The following ADAMTS17 variants were observed in gnomAD, a reference collection of about 807,000 sequenced individuals.
The protein encoded by ADAMTS17 is A disintegrin and metalloproteinase with thrombospondin motifs 17.
ADAMTS17 carries 113 observed loss-of-function variants against 141.5 expected under a neutral mutation model. The ratio of observed to expected loss-of-function variants is 0.80; its 90% CI spans 0.69 to 0.93. The LOEUF (loss-of-function observed/expected upper bound fraction) is 0.93, where lower values mean the gene tolerates loss of function less well. ADAMTS17 is among the 40% of genes least tolerant of loss of function. The probability of loss-of-function intolerance (pLI) is 0.00; values close to 1 mark genes in which losing one functional copy is unlikely to be tolerated. For missense variants in ADAMTS17, 1,659 were observed against 1,517.9 expected, an observed-to-expected ratio of 1.09 and a Z score of -1.54; for synonymous variants, 768 against 630.6, an observed-to-expected ratio of 1.22 and a Z score of -3.27.
intron 8 of ADAMTS17, among the ~76,000 whole-genome samples, chr15:100,169,273 A>C (rs1462318897): frequency 6.6e-6 from 1 of 152,182 alleles, no homozygotes; most frequent in Non-Finnish European, 1.5e-5. Context: ...GTGTGTGCAC[A>C]TGGAACATGC....
intron 14 of ADAMTS17, among the ~76,000 whole-genome samples, chr15:100,098,543 G>T (rs2035903760): frequency 6.6e-6 from 1 of 151,938 alleles, no homozygotes; most frequent in African/African-American, 2.4e-5. Flanking sequence ...CGCACCTGTA[G>T]TCCCAGCTAC....
intron 8 of ADAMTS17, among the ~76,000 whole-genome samples, chr15:100,163,133 A>G (rs1194054422): frequency 1.3e-5 from 2 of 151,822 alleles, no homozygotes; most frequent in Admixed American, 1.3e-4. Flanking sequence ...ATATACCTAC[A>G]CTTACACGTA....
At position 99,974,577 on chromosome 15, in the gene ADAMTS17, G is replaced by T; in HGVS notation, c.3128-15C>A. 6.2e-7 allele frequency: 1 copy of T among 1,614,200 alleles called. No individual in the cohort carries two copies. The highest frequency in any genetic ancestry group is 8.5e-7 in the Non-Finnish European group (1 of 1,180,014). On this transcript the variant is annotated splice_polypyrimidine_tract_variant and intron_variant, in intron 21 of 21. Transcript: ENST00000268070. ...GGTCAGAGCAGCTAAGGGGATAGGA[G>T]AGAGAATACCCAGGGTCAGGGATGG... is the stretch of plus-strand genomic sequence containing the variant.
At chr15:100,063,182 G>A (rs1567110809) in intron 15 of ADAMTS17, among the ~76,000 whole-genome samples, 1 of 152,214 alleles carries the variant, frequency 6.6e-6, no homozygotes, top group South Asian at 2.1e-4. Flanking sequence ...TGGCCACTAG[G>A]AATTTGGGAT....
intron 14 of ADAMTS17, among the ~76,000 whole-genome samples, chr15:100,104,150 C>T (rs1020689760): frequency 2.6e-5 from 4 of 152,192 alleles, no homozygotes; most frequent in African/African-American, 4.8e-5. Context: ...TGGGCAAAGC[C>T]GCGCGTCAGC....
At chr15:100,293,038 T>C (rs2044696857) in intron 3 of ADAMTS17, among the ~76,000 whole-genome samples, 1 of 152,240 alleles carries the variant, frequency 6.6e-6, no homozygotes, top group Admixed American at 6.5e-5. Flanking sequence ...TTATATCTTA[T>C]AGGAACCTTC....
intron 10 of ADAMTS17, among the ~76,000 whole-genome samples, chr15:100,142,295 A>G (rs545849396): frequency 6.6e-6 from 1 of 152,304 alleles, no homozygotes; most frequent in South Asian, 2.1e-4. Flanking sequence ...GTGAGAAAGG[A>G]GAAAAGCCTG....
chr15:99,998,040 C>G (rs1296727040), intron 18 of ADAMTS17, among the ~76,000 whole-genome samples: 2 of 152,200 alleles, frequency 1.3e-5, no homozygotes, highest in Non-Finnish European at 2.9e-5. Flanking sequence ...GGGAATGTCC[C>G]TACAGACAGC....
intron 18 of ADAMTS17, among the ~76,000 whole-genome samples, chr15:100,028,190 C>G (rs2029864047): frequency 6.6e-6 from 1 of 152,232 alleles, no homozygotes; most frequent in Non-Finnish European, 1.5e-5. Context: ...CACTGTCAGA[C>G]AGGCGCAGAA....
chr15:100,093,716 T>C (rs8042979), intron 15 of ADAMTS17, among the ~76,000 whole-genome samples: 30,807 of 152,012 alleles, frequency 0.2, 3,790 homozygotes, highest in East Asian at 0.53. Context: ...ACCTGGGGTC[T>C]CACAACACGC....
rs372411395 is a variant in ADAMTS17, at chr15:100,212,871, G to C, written c.1076-13448C>G. On this transcript the variant is annotated intron_variant, in intron 7 of 21. Coordinates refer to ENST00000268070, the MANE Select transcript of ADAMTS17 (RefSeq NM_139057.4). The stretch of plus-strand genomic sequence containing the variant: ...GCGGGGGTGGGGTGGAGTGGAGTGG[G>C]AATCAGCCAAGGTAATGCATAGGGT... Among the ~76,000 whole-genome samples, 7 of 151,840 alleles carry C rather than the reference G, an allele frequency of 4.6e-5. No individual in the cohort carries two copies. The East Asian group carries it at 7.7e-4, about 17-fold the overall frequency.
At chr15:100,213,879 G>C (rs750178382) in intron 7 of ADAMTS17, among the ~76,000 whole-genome samples, 1 of 152,270 alleles carries the variant, frequency 6.6e-6, no homozygotes, top group African/African-American at 2.4e-5. Context: ...CTGAGGGTCA[G>C]ATAGAGGTGC....
At chr15:100,278,543 A>AT (rs1491178652) in intron 4 of ADAMTS17, among the ~76,000 whole-genome samples, 2 of 150,480 alleles carry the variant, frequency 1.3e-5, no homozygotes, top group African/African-American at 4.8e-5. Flanking sequence ...ATGAGGAAAC[A>AT]TGTGGGTCCA....
intron 13 of ADAMTS17, among the ~76,000 whole-genome samples, chr15:100,109,491 G>GGGAGGA: frequency 6.6e-6 from 1 of 152,174 alleles, no homozygotes; most frequent in South Asian, 2.1e-4. Context: ...TGAAGGGAGG[G>GGGAGGA]GGAGGGGAAG....
At chr15:100,116,810 G>C (rs1417890122) in intron 13 of ADAMTS17, 37 bp downstream of exon 13, 2 of 1,613,742 alleles carry the variant, frequency 1.2e-6, no homozygotes, top group Non-Finnish European at 1.7e-6. Flanking sequence ...GGGGAGGACA[G>C]GAGGCTGCCA....
intron 7 of ADAMTS17, among the ~76,000 whole-genome samples, chr15:100,216,247 A>T (rs2041965144): frequency 6.6e-6 from 1 of 152,238 alleles, no homozygotes; most frequent in South Asian, 2.1e-4. Context: ...ATTATCTAAC[A>T]CTGCAATTAG....
At chr15:100,033,505 T>G (rs1357789465) in intron 18 of ADAMTS17, among the ~76,000 whole-genome samples, 1 of 151,282 alleles carries the variant, frequency 6.6e-6, no homozygotes, top group African/African-American at 2.5e-5. Context: ...TTCTCAGTCT[T>G]GGTTAGATCA....
intron 3 of ADAMTS17, among the ~76,000 whole-genome samples, chr15:100,303,128 ATATATT>A (rs923462506): frequency 6.8e-5 from 10 of 146,502 alleles, no homozygotes; most frequent in African/African-American, 2.0e-4. Context: ...TATTATAAAT[ATATATT>A]TATATTTATA....
At chr15:100,063,885 CAGA>C (rs370736445) in intron 15 of ADAMTS17, 27 of 564,398 alleles carry the variant, frequency 4.8e-5, no homozygotes, top group African/African-American at 3.7e-4. Context: ...AGGGCTGGCG[CAGA>C]AGAAGGAGGC....
Sources: allele counts gnomAD v4.1 joint callset (sites outside exome capture counted in the v4.1 genomes callset), GRCh38; gene constraint gnomAD v4.1.1; transcripts MANE v1.5; gene names NCBI Gene and HGNC (gene_info 2026-07-23, HGNC 2026-07-21).